Variants in SLC4A10 observed in about 807,000 individuals in gnomAD.
SLC4A10 encodes the protein solute carrier family 4 member 10.
Under a neutral mutation model 137.7 loss-of-function variants are expected in SLC4A10, and 42 were observed. That is an observed-to-expected ratio of 0.30 (90% CI 0.24 to 0.39). SLC4A10 has a LOEUF of 0.39. Among genes scored for constraint, SLC4A10 ranks in the 10% least tolerant of loss-of-function variants. The pLI, the probability that SLC4A10 is intolerant of heterozygous loss-of-function variation, is 1.00. For synonymous variants in SLC4A10, 474 were observed against 464.1 expected (o/e 1.02, Z -0.27); for missense variants, 925 against 1,355.0 (o/e 0.68, Z 4.98).
intron 19 of SLC4A10, among the ~76,000 whole-genome samples, chr2:161,951,708 AT>A (rs988826285): frequency 4.6e-5 from 7 of 152,074 alleles, no homozygotes; most frequent in Admixed American, 6.6e-5. Context: ...GCTTTATAGA[AT>A]TTTTTTATAG....
chr2:161,776,308 A>G (rs2052325299), intron 2 of SLC4A10, among the ~76,000 whole-genome samples: 1 of 151,940 alleles, frequency 6.6e-6, no homozygotes, highest in Non-Finnish European at 1.5e-5. Context: ...ACCAATATCC[A>G]GAATTTTTTC....
At chr2:161,647,809 C>T (rs1183284070) in intron 1 of SLC4A10, among the ~76,000 whole-genome samples, 2 of 152,152 alleles carry the variant, frequency 1.3e-5, no homozygotes, top group African/African-American at 4.8e-5. Context: ...TATAAATCTT[C>T]TCTCTGTCAT....
intron 1 of SLC4A10, among the ~76,000 whole-genome samples, chr2:161,639,855 A>G (rs931484792): frequency 6.6e-6 from 1 of 152,164 alleles, no homozygotes; most frequent in African/African-American, 2.4e-5. Flanking sequence ...AGACTACATG[A>G]TCTCATATAT....
rs532561149 is a variant in SLC4A10 at position 161,647,520 on chromosome 2, G to C, written c.48+22954G>C. On this transcript the variant is annotated intron_variant, in intron 1 of 26. Transcript: ENST00000446997. Reference sequence around the variant, plus strand: ...ATAATTTATATATTAAAGTATTATAGATATACACCAAAATTTGAAATGAAT... The same window carrying C: ...ATAATTTATATATTAAAGTATTATACATATACACCAAAATTTGAAATGAAT... 3.3e-5 allele frequency among the ~76,000 whole-genome samples: 5 copies of C among 151,894 alleles called. No individual in the cohort carries two copies. The South Asian group carries it at 1.0e-3, about 32-fold the overall frequency.
At chr2:161,906,160 T>A (rs1249859011) in intron 15 of SLC4A10, among the ~76,000 whole-genome samples, 1 of 152,190 alleles carries the variant, frequency 6.6e-6, no homozygotes, top group Admixed American at 6.5e-5. Flanking sequence ...AAGGAACCAA[T>A]TCCATTTTAA....
intron 3 of SLC4A10, among the ~76,000 whole-genome samples, chr2:161,806,168 G>C (rs1029069691): frequency 6.6e-6 from 1 of 152,136 alleles, no homozygotes; most frequent in African/African-American, 2.4e-5. Context: ...GGCTGGAGCA[G>C]CTGAAACACA....
intron 3 of SLC4A10, among the ~76,000 whole-genome samples, chr2:161,835,972 T>C (rs190853293): frequency 1.8e-4 from 28 of 152,340 alleles, no homozygotes; most frequent in African/African-American, 6.5e-4. Flanking sequence ...GTCCTGTTGA[T>C]AGTGACCTTA....
intron 15 of SLC4A10, among the ~76,000 whole-genome samples, chr2:161,933,768 A>C (rs991833272): frequency 3.3e-5 from 5 of 152,204 alleles, no homozygotes; most frequent in Admixed American, 6.5e-5. Context: ...GGCTACTGTG[A>C]ATAAATGCTA....
chr2:161,724,295 C>T (rs2045995733), intron 1 of SLC4A10, among the ~76,000 whole-genome samples: 1 of 152,184 alleles, frequency 6.6e-6, no homozygotes, highest in African/African-American at 2.4e-5. Context: ...GAAAGGCTCA[C>T]CATTACTTTC....
At chr2:161,841,825 A>G (rs2059203450) in intron 4 of SLC4A10, among the ~76,000 whole-genome samples, 1 of 152,196 alleles carries the variant, frequency 6.6e-6, no homozygotes, top group South Asian at 2.1e-4. Flanking sequence ...TATTCACAGT[A>G]TCTCTTTTCA....
intron 15 of SLC4A10, among the ~76,000 whole-genome samples, chr2:161,926,263 T>C (rs1276929061): frequency 6.7e-6 from 1 of 149,668 alleles, no homozygotes; most frequent in Non-Finnish European, 1.5e-5. Context: ...ATATTTAGGA[T>C]AGTTAGCTCT....
At chr2:161,782,684 G>A (rs1044691982) in intron 2 of SLC4A10, among the ~76,000 whole-genome samples, 2 of 147,972 alleles carry the variant, frequency 1.4e-5, no homozygotes, top group African/African-American at 5.0e-5. Flanking sequence ...TGAAGTTGAA[G>A]AATAAAATAA....
At chr2:161,864,710 A>G (rs994642917) in intron 6 of SLC4A10, among the ~76,000 whole-genome samples, 2 of 152,168 alleles carry the variant, frequency 1.3e-5, no homozygotes, top group Admixed American at 1.3e-4. Context: ...GAGGAGATAT[A>G]ACTTGCTTTG....
chr2:161,732,197 T>C (rs1344506930), intron 1 of SLC4A10, among the ~76,000 whole-genome samples: 2 of 152,170 alleles, frequency 1.3e-5, no homozygotes, highest in African/African-American at 4.8e-5. Context: ...TGGCAATTGG[T>C]GATCAACTTA....
intron 1 of SLC4A10, among the ~76,000 whole-genome samples, chr2:161,661,030 C>T (rs1167610170): frequency 6.6e-6 from 1 of 152,024 alleles, no homozygotes; most frequent in Non-Finnish European, 1.5e-5. Context: ...TTCAGGAGCA[C>T]CCCAGATCAC....
intron 15 of SLC4A10, chr2:161,931,522 A>T (rs1286610119): frequency 2.6e-5 from 4 of 152,184 alleles, no homozygotes; most frequent in Non-Finnish European, 4.4e-5. Context: ...TATTTATTTT[A>T]AAAATGTGTT....
intron 2 of SLC4A10, among the ~76,000 whole-genome samples, chr2:161,771,606 G>A (rs1291934391): frequency 6.6e-6 from 1 of 151,844 alleles, no homozygotes; most frequent in African/African-American, 2.4e-5. Flanking sequence ...AGGAACTTCA[G>A]CCAGTTACTT....
At chr2:161,975,590 C>A (rs1575959829) in intron 24 of SLC4A10, among the ~76,000 whole-genome samples, 1 of 152,042 alleles carries the variant, frequency 6.6e-6, no homozygotes, top group Non-Finnish European at 1.5e-5. Flanking sequence ...TCTAGGAAGA[C>A]CAAAACAGCT....
At chr2:161,846,631 T>C (rs1393776261) in intron 4 of SLC4A10, among the ~76,000 whole-genome samples, 1 of 152,190 alleles carries the variant, frequency 6.6e-6, no homozygotes, top group African/African-American at 2.4e-5. Flanking sequence ...TAATGGAATA[T>C]TACTCTGCAA....
Sources: allele counts gnomAD v4.1 joint callset (sites outside exome capture counted in the v4.1 genomes callset), GRCh38; gene constraint gnomAD v4.1.1; transcripts MANE v1.5; gene names NCBI Gene and HGNC (gene_info 2026-07-23, HGNC 2026-07-21).